The following LRMDA variants were observed in gnomAD, a reference collection of about 807,000 sequenced individuals.
The protein encoded by LRMDA is leucine-rich melanocyte differentiation-associated protein.
LRMDA carries 18 observed loss-of-function variants against 29.8 expected under a neutral mutation model. The observed-to-expected ratio is 0.60, with a 90% CI of 0.42 to 0.90. The LOEUF (loss-of-function observed/expected upper bound fraction) is 0.90, where lower values mean the gene tolerates loss of function less well. Among genes scored for constraint, LRMDA ranks in the 40% least tolerant of loss-of-function variants. The pLI, the probability that LRMDA is intolerant of heterozygous loss-of-function variation, is 0.00. For missense variants in LRMDA, 273 were observed against 273.9 expected (o/e 1.00, Z 0.02); for synonymous variants, 125 against 109.4 (o/e 1.14, Z -0.89).
intron 5 of LRMDA, among the ~76,000 whole-genome samples, chr10:76,160,964 A>G (rs536007780): frequency 1.3e-5 from 2 of 152,284 alleles, no homozygotes; most frequent in African/African-American, 4.8e-5. Context: ...TGGGGGCCTG[A>G]AACACCCGCA....
chr10:76,186,485 G>A (rs1362480992), intron 5 of LRMDA, among the ~76,000 whole-genome samples: 1 of 152,184 alleles, frequency 6.6e-6, no homozygotes, highest in East Asian at 1.9e-4. Context: ...CCTAAAAAAT[G>A]CCCTGGTCCT....
chr10:75,912,141 C>T (rs780376156), intron 2 of LRMDA, among the ~76,000 whole-genome samples: 12 of 152,170 alleles, frequency 7.9e-5, no homozygotes, highest in Non-Finnish European at 1.5e-4. Flanking sequence ...TGGGAACTTG[C>T]TCAACAATAC....
chr10:76,363,246 AGAAAGAAAGAAG>A (rs1244533286), intron 6 of LRMDA, among the ~76,000 whole-genome samples: 2 of 51,984 alleles, frequency 3.8e-5, no homozygotes, highest in African/African-American at 9.1e-5. Context: ...AAAGAAAGAA[AGAAAGAAAGAAG>A]GAAGGAAGGA....
intron 2 of LRMDA, among the ~76,000 whole-genome samples, chr10:75,897,866 A>T (rs1349259402): frequency 9.0e-6 from 1 of 111,128 alleles, no homozygotes; most frequent in Non-Finnish European, 1.6e-5. Context: ...GTTGTTGCCC[A>T]GGCTGTAGTG....
intron 5 of LRMDA, among the ~76,000 whole-genome samples, chr10:76,198,106 C>T (rs1373714348): frequency 6.6e-6 from 1 of 152,174 alleles, no homozygotes; most frequent in African/African-American, 2.4e-5. Context: ...CTCTGTCAAC[C>T]ATTTCTTCCA....
At chr10:76,538,199 G>C (rs1843310957) in intron 6 of LRMDA, among the ~76,000 whole-genome samples, 1 of 151,760 alleles carries the variant, frequency 6.6e-6, no homozygotes, top group Non-Finnish European at 1.5e-5. Flanking sequence ...TAAACTATAT[G>C]ATGATAAAGA....
intron 6 of LRMDA, among the ~76,000 whole-genome samples, chr10:76,504,416 G>T (rs932894856): frequency 1.3e-5 from 2 of 151,938 alleles, no homozygotes; most frequent in Non-Finnish European, 2.9e-5. Flanking sequence ...TGTCAGTAAA[G>T]TCTGTCAGTG....
intron 5 of LRMDA, among the ~76,000 whole-genome samples, chr10:76,228,307 C>T (rs992807674): frequency 9.2e-5 from 14 of 152,064 alleles, no homozygotes; most frequent in African/African-American, 3.1e-4. Context: ...CTACCACGCC[C>T]GGCAGGAAAT....
chr10:76,521,283 G>A (rs1037224399), intron 6 of LRMDA, among the ~76,000 whole-genome samples: 184 of 152,148 alleles, frequency 1.2e-3, no homozygotes, highest in Non-Finnish European at 2.6e-3. Flanking sequence ...ACAGGCGCCT[G>A]CCACCACGCC....
chr10:76,524,274 G>A (rs1009457348), intron 6 of LRMDA, among the ~76,000 whole-genome samples: 7 of 152,274 alleles, frequency 4.6e-5, no homozygotes, highest in African/African-American at 1.4e-4. Flanking sequence ...GACGGCTGAC[G>A]TGTCATTGGA....
At chr10:76,163,868 T>C (rs1850689834) in intron 5 of LRMDA, among the ~76,000 whole-genome samples, 1 of 152,208 alleles carries the variant, frequency 6.6e-6, no homozygotes, top group Non-Finnish European at 1.5e-5. Flanking sequence ...CTGTTTTTCA[T>C]GACTGCACAT....
intron 2 of LRMDA, among the ~76,000 whole-genome samples, chr10:75,915,361 G>A (rs1184032643): frequency 1.3e-5 from 2 of 151,912 alleles, no homozygotes; most frequent in African/African-American, 4.8e-5. Context: ...GTCTTGAACT[G>A]CTGACCTCAG....
chr10:76,540,212 G>A (rs1843338711), intron 6 of LRMDA, among the ~76,000 whole-genome samples: 1 of 150,482 alleles, frequency 6.6e-6, no homozygotes, highest in African/African-American at 2.5e-5. Flanking sequence ...GTGCACATGT[G>A]CACACATTGA....
chr10:76,148,941 T>C (rs970256779), intron 5 of LRMDA, among the ~76,000 whole-genome samples: 1 of 152,264 alleles, frequency 6.6e-6, no homozygotes, highest in Non-Finnish European at 1.5e-5. Context: ...TCTTTAGTTA[T>C]GCATACTTTT....
At chr10:76,471,747 CAACAAT>C (rs1369578846) in intron 6 of LRMDA, among the ~76,000 whole-genome samples, 3 of 151,398 alleles carry the variant, frequency 2.0e-5, no homozygotes, top group Non-Finnish European at 4.4e-5. Flanking sequence ...ATGCAAACAA[CAACAAT>C]AAGAAAATTG....
intron 2 of LRMDA, among the ~76,000 whole-genome samples, chr10:75,543,120 A>G (rs1280246523): frequency 1.3e-5 from 2 of 152,348 alleles, no homozygotes; most frequent in Admixed American, 6.5e-5. Context: ...AATTGCAAGC[A>G]GAGGCTGCCT....
At chr10:76,183,003 ACT>A (rs1410103206) in intron 5 of LRMDA, among the ~76,000 whole-genome samples, 1 of 152,044 alleles carries the variant, frequency 6.6e-6, no homozygotes, top group Non-Finnish European at 1.5e-5. Flanking sequence ...CATAGCCCAG[ACT>A]CTGCATGTAT....
At chr10:75,677,892 G>A (rs892390623) in intron 2 of LRMDA, among the ~76,000 whole-genome samples, 4 of 152,148 alleles carry the variant, frequency 2.6e-5, no homozygotes, top group African/African-American at 9.7e-5. Context: ...AAATAAAAAT[G>A]TGAATGAAAC....
At chr10:75,432,239 G>C (rs761751822) in intron 1 of LRMDA, among the ~76,000 whole-genome samples, 5 of 152,332 alleles carry the variant, frequency 3.3e-5, no homozygotes, top group Non-Finnish European at 7.4e-5. Context: ...AAAGTGTCTA[G>C]GGTACCCAAA....
Sources: gnomAD v4.1 joint callset for allele counts (sites outside exome capture counted in the v4.1 genomes callset) on GRCh38, gnomAD v4.1.1 for gene constraint, MANE v1.5 for transcripts, NCBI Gene and HGNC (gene_info 2026-07-23, HGNC 2026-07-21) for gene names.